PTPRR: variants seen among roughly 807,000 people sequenced by gnomAD.
The protein encoded by PTPRR is receptor-type tyrosine-protein phosphatase R.
Under a neutral mutation model 77.2 loss-of-function variants are expected in PTPRR, and 38 were observed. The ratio of observed to expected loss-of-function variants is 0.49; its 90% confidence interval spans 0.38 to 0.65. The LOEUF (loss-of-function observed/expected upper bound fraction) is 0.65. Ranked by LOEUF, PTPRR falls within the 30% of genes least tolerant of loss-of-function variation. PTPRR has a pLI of 0.00. For missense variants in PTPRR, 744 were observed against 799.2 expected, an observed-to-expected ratio of 0.93 and a Z score of 0.83; for synonymous variants, 299 against 283.1, an observed-to-expected ratio of 1.06 and a Z score of -0.57.
chr12:70,672,322 GT>G (rs1441543900), intron 10 of PTPRR: 3 of 1,560,620 alleles, frequency 1.9e-6, no homozygotes, highest in Non-Finnish European at 1.8e-6. Context: ...ACTTCAGCAA[GT>G]TTGCCAACTC....
rs1893838454 is a variant in PTPRR at position 70,920,392 on chromosome 12, G to A, written c.-2C>T. On this transcript the variant is annotated 5_prime_UTR_variant, in exon 1 of 14. Coordinates refer to ENST00000283228, the MANE Select transcript of PTPRR (RefSeq NM_002849.4). ...AGGGAAGCAGACTGCTCTCCGCATA[G>A]TGTTTGCATTGAGAGGTGGAGGAGA... 2 of 1,613,058 alleles carry A rather than the reference G, an allele frequency of 1.2e-6. No individual in the cohort carries two copies. Among genetic ancestry groups the A allele is most frequent in the African/African-American group, 2.7e-5 (2 of 74,876 alleles).
chr12:70,862,869 T>A (rs1892777696), intron 2 of PTPRR, among the ~76,000 whole-genome samples: 1 of 152,080 alleles, frequency 6.6e-6, no homozygotes, highest in Non-Finnish European at 1.5e-5. Flanking sequence ...TCTTAATTTT[T>A]CAAAAAAGAA....
At chr12:70,829,812 G>GTCA (rs1294284288) in intron 2 of PTPRR, among the ~76,000 whole-genome samples, 2 of 152,176 alleles carry the variant, frequency 1.3e-5, no homozygotes, top group African/African-American at 4.8e-5. Flanking sequence ...TGCATAGAAA[G>GTCA]TAAGGACTTT....
At chr12:70,896,753 T>G (rs562320978) in intron 1 of PTPRR, among the ~76,000 whole-genome samples, 4 of 151,860 alleles carry the variant, frequency 2.6e-5, no homozygotes, top group African/African-American at 9.7e-5. Flanking sequence ...AGGTCTAACA[T>G]GTAAGTCTTT....
intron 1 of PTPRR, among the ~76,000 whole-genome samples, chr12:70,898,162 A>G (rs960159950): frequency 1.2e-5 from 1 of 86,426 alleles, no homozygotes; most frequent in African/African-American, 3.2e-5. Flanking sequence ...TAATAATAAT[A>G]AAAAAAGAGA....
intron 2 of PTPRR, among the ~76,000 whole-genome samples, chr12:70,876,338 G>C (rs1278275316): frequency 6.6e-6 from 1 of 151,994 alleles, no homozygotes; most frequent in Non-Finnish European, 1.5e-5. Context: ...GATTATCATA[G>C]CAATTTTGTG....
chr12:70,699,603 C>T (rs935884372), intron 7 of PTPRR, among the ~76,000 whole-genome samples: 1 of 152,290 alleles, frequency 6.6e-6, no homozygotes, highest in East Asian at 1.9e-4. Context: ...TGAGCCACAA[C>T]ACCTGGCCCC....
rs753480463 is a variant in PTPRR, at chr12:70,754,578, A to C, written c.628-277T>G. Reference sequence around the variant, plus strand: ...AAACATCCCTCAGCGTCTCTCTTGGAAACTACCTGGTTCATAGGTAAGAGA... The same window carrying C: ...AAACATCCCTCAGCGTCTCTCTTGGCAACTACCTGGTTCATAGGTAAGAGA... On this transcript the variant is annotated intron_variant, in intron 4 of 13. Coordinates refer to ENST00000283228, the MANE Select transcript of PTPRR (RefSeq NM_002849.4). 1.0e-5 allele frequency: 16 copies of C among 1,597,538 alleles called. No homozygotes were observed. In the South Asian group the frequency reaches 1.8e-4, roughly 18 times the overall value.
intron 2 of PTPRR, among the ~76,000 whole-genome samples, chr12:70,866,884 A>C (rs1451958649): frequency 6.6e-6 from 1 of 152,090 alleles, no homozygotes; most frequent in Non-Finnish European, 1.5e-5. Context: ...CAACACATGC[A>C]AATCAATAGA....
At chr12:70,752,847 A>G (rs545380769) in intron 5 of PTPRR, among the ~76,000 whole-genome samples, 101 of 152,326 alleles carry the variant, frequency 6.6e-4, no homozygotes, top group African/African-American at 2.3e-3. Flanking sequence ...GCAATTAACC[A>G]TAACAAGGAA....
chr12:70,771,498 C>T (rs992689541), intron 2 of PTPRR, among the ~76,000 whole-genome samples: 10 of 152,164 alleles, frequency 6.6e-5, no homozygotes, highest in Middle Eastern at 3.4e-3. Context: ...TGTTATGATC[C>T]AGTGTTCCCA....
chr12:70,805,353 T>C (rs1258732753), intron 2 of PTPRR, among the ~76,000 whole-genome samples: 3 of 151,932 alleles, frequency 2.0e-5, no homozygotes, highest in African/African-American at 4.8e-5. Flanking sequence ...ATTATTATTT[T>C]TGGGACAGGA....
intron 6 of PTPRR, among the ~76,000 whole-genome samples, chr12:70,707,279 C>T (rs890922022): frequency 7.9e-5 from 12 of 151,934 alleles, no homozygotes; most frequent in Admixed American, 6.6e-5. Context: ...TTTAGAGTAA[C>T]TGCTAAGAAC....
At chr12:70,837,404 C>G (rs1892322989) in intron 2 of PTPRR, among the ~76,000 whole-genome samples, 1 of 152,088 alleles carries the variant, frequency 6.6e-6, no homozygotes, top group Admixed American at 6.6e-5. Context: ...TTCAGTGGAT[C>G]TGAGAATACA....
chr12:70,806,641 TATC>T (rs1891714463), intron 2 of PTPRR, among the ~76,000 whole-genome samples: 1 of 152,192 alleles, frequency 6.6e-6, no homozygotes, highest in Non-Finnish European at 1.5e-5. Context: ...GATCCAGACA[TATC>T]ATACTACCAT....
At chr12:70,732,762 TG>T (rs1889707056) in intron 6 of PTPRR, among the ~76,000 whole-genome samples, 1 of 152,148 alleles carries the variant, frequency 6.6e-6, no homozygotes. Context: ...GGTTTCACCA[TG>T]TTGGCCAAGC....
chr12:70,842,471 G>A (rs2137061058), intron 2 of PTPRR, among the ~76,000 whole-genome samples: 1 of 152,296 alleles, frequency 6.6e-6, no homozygotes, highest in Non-Finnish European at 1.5e-5. Flanking sequence ...CAGTTTTGGA[G>A]GCCAGAGTCT....
intron 5 of PTPRR, among the ~76,000 whole-genome samples, chr12:70,753,811 T>C (rs1253477938): frequency 6.6e-6 from 1 of 152,186 alleles, no homozygotes; most frequent in East Asian, 1.9e-4. Flanking sequence ...TATCTCTTTT[T>C]AAATTTTTTC....
At chr12:70,690,701 C>G (rs1888025902) in intron 8 of PTPRR, among the ~76,000 whole-genome samples, 1 of 152,196 alleles carries the variant, frequency 6.6e-6, no homozygotes, top group Admixed American at 6.5e-5. Context: ...GGTTTGTTCA[C>G]TGACAGCACA....
Sources: gnomAD v4.1 joint callset for allele counts (sites outside exome capture counted in the v4.1 genomes callset) on GRCh38, gnomAD v4.1.1 for gene constraint, MANE v1.5 for transcripts, NCBI Gene and HGNC (gene_info 2026-07-23, HGNC 2026-07-21) for gene names.